RAPGEF6: variants seen among roughly 807,000 people sequenced by gnomAD.
The protein encoded by RAPGEF6 is PDZ domain containing guanine nucleotide exchange factor (GEF) 2.
In RAPGEF6, 56 loss-of-function variants were observed where a neutral mutation model predicts 171.4. That is an observed-to-expected ratio of 0.33 (90% CI 0.26 to 0.41). The LOEUF (loss-of-function observed/expected upper bound fraction) is 0.41. Among genes scored for constraint, RAPGEF6 ranks in the 10% least tolerant of loss-of-function variants. The pLI is 1.00. For missense variants in RAPGEF6, 1,674 were observed against 1,921.4 expected (o/e 0.87, Z 2.41); for synonymous variants, 692 against 650.1 (o/e 1.06, Z -0.98).
intron 4 of RAPGEF6, among the ~76,000 whole-genome samples, chr5:131,571,452 T>TA (rs1360842725): frequency 3.9e-5 from 6 of 152,072 alleles, no homozygotes; most frequent in South Asian, 2.1e-4. Context: ...ACAAAAATAC[T>TA]AAAAAAATAT....
chr5:131,608,426 T>C (rs1265956012), intron 1 of RAPGEF6, among the ~76,000 whole-genome samples: 1 of 152,208 alleles, frequency 6.6e-6, no homozygotes, highest in African/African-American at 2.4e-5. Context: ...TTCTATTAAC[T>C]CTTTTTTTGA....
intron 4 of RAPGEF6, among the ~76,000 whole-genome samples, chr5:131,563,059 A>C (rs1263924046): frequency 6.6e-6 from 1 of 152,028 alleles, no homozygotes; most frequent in African/African-American, 2.4e-5. Context: ...AATTTTTTTT[A>C]ATGAAGAATA....
At chr5:131,516,727 C>A (rs1287796597) in intron 7 of RAPGEF6, among the ~76,000 whole-genome samples, 2 of 152,208 alleles carry the variant, frequency 1.3e-5, no homozygotes, top group African/African-American at 4.8e-5. Context: ...CTTGAATACT[C>A]TTTGAAGATG....
chr5:131,482,685 T>C (rs191280319), intron 15 of RAPGEF6, among the ~76,000 whole-genome samples: 1 of 152,246 alleles, frequency 6.6e-6, no homozygotes, highest in African/African-American at 2.4e-5. Flanking sequence ...ACTTGATGTT[T>C]GTATATTACT....
chr5:131,538,647 T>C (rs1316903122), intron 6 of RAPGEF6, among the ~76,000 whole-genome samples: 2 of 152,178 alleles, frequency 1.3e-5, no homozygotes, highest in East Asian at 3.8e-4. Context: ...CAAGCCCCCA[T>C]GGATACTGAG....
At chr5:131,531,503 G>A (rs981833465) in intron 6 of RAPGEF6, among the ~76,000 whole-genome samples, 4 of 152,102 alleles carry the variant, frequency 2.6e-5, no homozygotes, top group Non-Finnish European at 5.9e-5. Flanking sequence ...AAAATGACAA[G>A]TATGATAGAT....
chr5:131,629,874 A>G (rs1766191261), intron 1 of RAPGEF6, among the ~76,000 whole-genome samples: 1 of 152,098 alleles, frequency 6.6e-6, no homozygotes, highest in Middle Eastern at 3.2e-3. Context: ...GCTGCCTCTT[A>G]TGCATTAGTA....
At chr5:131,570,141 C>A (rs748257795) in intron 4 of RAPGEF6, among the ~76,000 whole-genome samples, 1 of 143,672 alleles carries the variant, frequency 7.0e-6, no homozygotes, top group Non-Finnish European at 1.5e-5. Context: ...TAGATACATT[C>A]TTACAATTTG....
chr5:131,508,191 A>G lies in RAPGEF6; in HGVS notation c.822T>C (p.Phe274=). ...TDDDIEQLLE[F]MHQLPAFANM... ...TTGCAAATGCAGGGAGCTGGTGCAT[A>G]AACTCCAGCAATTGTTCTATAAGAA... The change falls in exon 9 of 28, where the codon TTT becomes TTC. Residue 274 remains phenylalanine, a synonymous_variant. Transcript: ENST00000509018. 1.2e-6 allele frequency: 2 copies of G among 1,610,724 alleles called. No homozygotes were observed. Among genetic ancestry groups the G allele is most frequent in the Non-Finnish European group, 1.7e-6 (2 of 1,178,664 alleles).
At chr5:131,558,208 T>C (rs1301213655) in intron 5 of RAPGEF6, among the ~76,000 whole-genome samples, 2 of 150,978 alleles carry the variant, frequency 1.3e-5, no homozygotes, top group Non-Finnish European at 3.0e-5. Flanking sequence ...TGTGTGTATA[T>C]GCCAGTTTGG....
rs118037099 is a variant in RAPGEF6, at chr5:131,634,140, T to C, written c.69+822A>G. Among the ~76,000 whole-genome samples the C allele has an allele frequency of 2.1e-3, 321 of 151,738 alleles. 8 individuals are homozygous for C. The East Asian group carries it at 0.059, about 28-fold the overall frequency. On this transcript the variant is annotated intron_variant, in intron 1 of 27. Coordinates refer to ENST00000509018, the MANE Select transcript of RAPGEF6 (RefSeq NM_016340.6). The stretch of plus-strand genomic sequence containing the variant: ...ATTAACCAAAGCATTTCATTTCATT[T>C]ACTGCAACTTTAAACAAAACAATCC...
At chr5:131,487,024 T>C (rs1355879367) in intron 15 of RAPGEF6, among the ~76,000 whole-genome samples, 1 of 152,140 alleles carries the variant, frequency 6.6e-6, no homozygotes, top group South Asian at 2.1e-4. Context: ...TGTTCTAGTA[T>C]TGTGTCCAGA....
chr5:131,582,183 T>TATGGATGCAGGAA (rs1763008817), intron 4 of RAPGEF6, among the ~76,000 whole-genome samples: 1 of 152,188 alleles, frequency 6.6e-6, no homozygotes, highest in Non-Finnish European at 1.5e-5. Context: ...AGGTAACACA[T>TATGGATGCAGGAA]ACCACCTGAT....
chr5:131,486,017 T>C (rs1755862412), intron 15 of RAPGEF6, among the ~76,000 whole-genome samples: 1 of 152,124 alleles, frequency 6.6e-6, no homozygotes, highest in Admixed American at 6.5e-5. Context: ...TTATTTTCTT[T>C]TGTCAGGCAC....
At chr5:131,522,158 G>C (rs1436090000) in intron 6 of RAPGEF6, among the ~76,000 whole-genome samples, 1 of 152,038 alleles carries the variant, frequency 6.6e-6, no homozygotes, top group African/African-American at 2.4e-5. Context: ...ACTAGGCACA[G>C]GTATACAAGA....
chr5:131,519,930 G>T (rs1187107073), intron 7 of RAPGEF6, among the ~76,000 whole-genome samples: 2 of 152,152 alleles, frequency 1.3e-5, no homozygotes, highest in Non-Finnish European at 1.5e-5. Flanking sequence ...CAGAGCTATT[G>T]TATTAACTTG....
At chr5:131,615,167 C>T (rs549232622) in intron 1 of RAPGEF6, among the ~76,000 whole-genome samples, 5 of 152,258 alleles carry the variant, frequency 3.3e-5, no homozygotes, top group East Asian at 1.9e-4. Context: ...CTATTAATAG[C>T]GAAAGACAAC....
chr5:131,494,954 G>A (rs1370848436), intron 13 of RAPGEF6, among the ~76,000 whole-genome samples: 1 of 152,130 alleles, frequency 6.6e-6, no homozygotes, highest in Non-Finnish European at 1.5e-5. Context: ...ATAACACCAG[G>A]TTTATAAGCC....
chr5:131,544,582 A>G (rs941250909), intron 6 of RAPGEF6, among the ~76,000 whole-genome samples: 8 of 152,376 alleles, frequency 5.3e-5, no homozygotes, highest in Non-Finnish European at 1.2e-4. Flanking sequence ...GGGAGACGAC[A>G]AAACTTTAGG....
Sources: allele counts gnomAD v4.1 joint callset (sites outside exome capture counted in the v4.1 genomes callset), GRCh38; gene constraint gnomAD v4.1.1; transcripts MANE v1.5; gene names NCBI Gene and HGNC (gene_info 2026-07-23, HGNC 2026-07-21).